Variants in MTUS2 observed in about 807,000 individuals in gnomAD.
MTUS2 encodes the protein microtubule-associated tumor suppressor candidate 2.
In MTUS2, 40 loss-of-function variants were observed where a neutral mutation model predicts 114.1. The observed-to-expected ratio is 0.35, with a 90% confidence interval of 0.27 to 0.46. The LOEUF (loss-of-function observed/expected upper bound fraction) is 0.46. Ranked by LOEUF, MTUS2 falls within the 20% of genes least tolerant of loss-of-function variation. MTUS2 has a pLI of 1.00. For synonymous variants in MTUS2, 688 were observed against 672.0 expected, an observed-to-expected ratio of 1.02 and a Z score of -0.37; for missense variants, 1,679 against 1,705.4, an observed-to-expected ratio of 0.98 and a Z score of 0.27.
intron 5 of MTUS2, among the ~76,000 whole-genome samples, chr13:29,187,446 G>A (rs908238685): frequency 6.6e-6 from 1 of 152,102 alleles, no homozygotes; most frequent in African/African-American, 2.4e-5. Context: ...TATAAGAAGG[G>A]TTATAAAGGA....
intron 9 of MTUS2, among the ~76,000 whole-genome samples, chr13:29,460,783 A>G (rs138313829): frequency 6.8e-4 from 104 of 152,236 alleles, no homozygotes; most frequent in African/African-American, 2.3e-3. Flanking sequence ...CAGTTACTCA[A>G]CTTTTTTTAG....
intron 2 of MTUS2, among the ~76,000 whole-genome samples, chr13:28,894,141 C>G (rs898897884): frequency 2.0e-5 from 3 of 151,454 alleles, no homozygotes; most frequent in Non-Finnish European, 4.4e-5. Flanking sequence ...CCCTACAATT[C>G]ATATATTGAA....
At chr13:29,383,352 G>C (rs976283874) in intron 8 of MTUS2, among the ~76,000 whole-genome samples, 1 of 151,760 alleles carries the variant, frequency 6.6e-6, no homozygotes, top group Non-Finnish European at 1.5e-5. Flanking sequence ...AAAGGAAAAG[G>C]AAACATGTGA....
chr13:29,319,499 G>A (rs1235949121), intron 6 of MTUS2, among the ~76,000 whole-genome samples: 2 of 152,128 alleles, frequency 1.3e-5, no homozygotes. Flanking sequence ...GAGAATTTTT[G>A]TCTAGTAAAT....
intron 2 of MTUS2, among the ~76,000 whole-genome samples, chr13:28,999,987 G>T (rs1011494381): frequency 1.3e-5 from 2 of 152,148 alleles, no homozygotes; most frequent in African/African-American, 4.8e-5. Flanking sequence ...ATTCCATTGT[G>T]TATATCTACC....
chr13:29,224,024 T>A (rs988349523), intron 5 of MTUS2, among the ~76,000 whole-genome samples: 15 of 152,144 alleles, frequency 9.9e-5, no homozygotes, highest in African/African-American at 3.4e-4. Context: ...GACCCCACAC[T>A]CTCTCACTCA....
In MTUS2 at chr13:29,236,501, A is replaced by G. The variant is rs116919659; in HGVS notation, c.2645-45203A>G. ...GGAACACTAATTTTTCCTAGACAGA[A>G]GAGGTTGAAATAGCTTGTGGTGAAA... On this transcript the variant is annotated intron_variant, in intron 5 of 15. Coordinates refer to ENST00000612955, the MANE Select transcript of MTUS2 (RefSeq NM_001033602.4). Among the ~76,000 whole-genome samples the G allele has an allele frequency of 7.9e-4, 121 of 152,360 alleles. 2 individuals carry two copies. The East Asian group carries it at 0.018, about 23-fold the overall frequency.
chr13:29,059,228 A>AT (rs35369352), intron 4 of MTUS2, among the ~76,000 whole-genome samples: 54,441 of 97,092 alleles, frequency 0.56, 14,918 homozygotes, highest in Non-Finnish European at 0.6. Context: ...TATTCTTTGG[A>AT]TTTTTTTTTT....
At chr13:29,262,232 G>A (rs192557270) in intron 5 of MTUS2, among the ~76,000 whole-genome samples, 1 of 152,214 alleles carries the variant, frequency 6.6e-6, no homozygotes, top group Non-Finnish European at 1.5e-5. Flanking sequence ...TATCCACAGG[G>A]AAACTGAATC....
chr13:28,982,824 G>A (rs1354241564), intron 2 of MTUS2, among the ~76,000 whole-genome samples: 1 of 152,184 alleles, frequency 6.6e-6, no homozygotes, highest in African/African-American at 2.4e-5. Flanking sequence ...AGGCACCTAG[G>A]GTGGTGAAAT....
chr13:29,018,494 G>T (rs1886159086), intron 2 of MTUS2, among the ~76,000 whole-genome samples: 1 of 152,180 alleles, frequency 6.6e-6, no homozygotes. Context: ...TGTGCATTTG[G>T]CCGGGCCCAG....
At chr13:29,094,736 G>T (rs1344349202) in intron 4 of MTUS2, among the ~76,000 whole-genome samples, 1 of 151,544 alleles carries the variant, frequency 6.6e-6, no homozygotes, top group African/African-American at 2.4e-5. Flanking sequence ...AGTTTAGTTT[G>T]CTCTTCTTTC....
At chr13:28,915,618 G>T (rs1205613790) in intron 2 of MTUS2, among the ~76,000 whole-genome samples, 2 of 151,776 alleles carry the variant, frequency 1.3e-5, no homozygotes, top group South Asian at 2.1e-4. Context: ...GTTGATTCAG[G>T]TCTTTTGCCC....
rs143203276 is a variant in MTUS2, at chr13:28,973,386, A to G, written c.-242-51071A>G. ...AAACTTTTTTCCATTAGATGTTTAT[A>G]TATGCAGGTGCACTGGGCTGTGATG... is the stretch of plus-strand genomic sequence containing the variant. On this transcript the variant is annotated intron_variant, in intron 2 of 15. Transcript: ENST00000612955. 3.0e-3 allele frequency among the ~76,000 whole-genome samples: 462 copies of G among 152,310 alleles called. 1 individual carries two copies. Among genetic ancestry groups the G allele is most frequent in the African/African-American group, 0.01 (436 of 41,574 alleles).
chr13:29,316,815 CAT>C (rs1394257045), intron 6 of MTUS2, among the ~76,000 whole-genome samples: 1 of 152,188 alleles, frequency 6.6e-6, no homozygotes, highest in Non-Finnish European at 1.5e-5. Context: ...GGTGAGGTAA[CAT>C]ACACAGAAGC....
At chr13:29,370,417 C>T (rs188119877) in intron 8 of MTUS2, among the ~76,000 whole-genome samples, 6 of 152,170 alleles carry the variant, frequency 3.9e-5, no homozygotes, top group Middle Eastern at 3.4e-3. Flanking sequence ...TCTATGATTG[C>T]ACCCGTGAAT....
At chr13:28,989,818 A>G (rs955665470) in intron 2 of MTUS2, among the ~76,000 whole-genome samples, 3 of 150,506 alleles carry the variant, frequency 2.0e-5, no homozygotes, top group African/African-American at 7.3e-5. Context: ...TTCTCTAACA[A>G]GTCAGGCTTT....
intron 2 of MTUS2, among the ~76,000 whole-genome samples, chr13:28,854,968 CAG>C (rs1876528058): frequency 2.6e-5 from 4 of 152,162 alleles, no homozygotes; most frequent in Non-Finnish European, 5.9e-5. Flanking sequence ...CCCTTTAGCT[CAG>C]GGGTGGTGCT....
chr13:29,501,044 A>T, intron 14 of MTUS2, 53 bp from the exon 15 acceptor site: 1 of 1,462,556 alleles, frequency 6.8e-7, no homozygotes, highest in Non-Finnish European at 9.6e-7. Context: ...GCACCGGTTT[A>T]CTCCCGATTT....
Sources: allele counts gnomAD v4.1 joint callset (sites outside exome capture counted in the v4.1 genomes callset), GRCh38; gene constraint gnomAD v4.1.1; transcripts MANE v1.5; gene names NCBI Gene and HGNC (gene_info 2026-07-23, HGNC 2026-07-21).